TYW1: variants seen among roughly 807,000 people sequenced by gnomAD.
TYW1 encodes the protein tRNA-yW synthesizing protein 1 homolog, also known as S-adenosyl-L-methionine-dependent tRNA 4-demethylwyosine synthase TYW1.
Under a neutral mutation model 96.2 loss-of-function variants are expected in TYW1, and 46 were observed. That is an observed-to-expected ratio of 0.48 (90% CI 0.38 to 0.61). The LOEUF (loss-of-function observed/expected upper bound fraction) is 0.61, where lower values mean the gene tolerates loss of function less well. Ranked by LOEUF, TYW1 falls within the 20% of genes least tolerant of loss-of-function variation. The pLI is 0.00. For synonymous variants in TYW1, 274 were observed against 323.0 expected (o/e 0.85, Z 1.63); for missense variants, 684 against 909.6 (o/e 0.75, Z 3.19).
At chr7:67,143,625 A>T (rs1449330565) in intron 13 of TYW1, among the ~76,000 whole-genome samples, 1 of 152,114 alleles carries the variant, frequency 6.6e-6, no homozygotes, top group African/African-American at 2.4e-5. Context: ...AGAGTCCAAG[A>T]GCATGGGGTC....
intron 7 of TYW1, among the ~76,000 whole-genome samples, chr7:67,042,261 A>G (rs189787570): frequency 9.9e-5 from 15 of 151,390 alleles, no homozygotes; most frequent in African/African-American, 3.6e-4. Flanking sequence ...ATATAAGTAT[A>G]TGTCTTCAAA....
At chr7:67,008,664 T>TTTTA (rs1305110729) in intron 3 of TYW1, among the ~76,000 whole-genome samples, 4 of 152,124 alleles carry the variant, frequency 2.6e-5, no homozygotes, top group Admixed American at 6.6e-5. Context: ...CTTTCTTTTA[T>TTTTA]TTTATTTATT....
chr7:67,159,232 C>CT (rs1022003151), intron 13 of TYW1, among the ~76,000 whole-genome samples: 34 of 152,246 alleles, frequency 2.2e-4, no homozygotes, highest in African/African-American at 7.7e-4. Flanking sequence ...CTTAACCCAT[C>CT]TACTATTAAA....
Position 67,233,508 on chromosome 7 carries a change from A to T in TYW1, c.1978-4800A>T, listed in dbSNP as rs1473661171. On this transcript the variant is annotated intron_variant, in intron 15 of 15. Coordinates refer to ENST00000359626, the MANE Select transcript of TYW1 (RefSeq NM_018264.4). ...GCTTTTTTAAGTCAGGCTGTATCTT[A>T]TTGCACTTGTGTGTTTTTAAGATCA... Among the ~76,000 whole-genome samples the T allele has an allele frequency of 2.2e-5, 3 of 133,374 alleles. 1 individual carries two copies. In the East Asian group the frequency reaches 6.0e-4, roughly 27 times the overall value. The allele number at this position is 133,374 out of a possible 152,430, so 87.5% of individuals were successfully genotyped here.
At chr7:67,054,964 G>C (rs1562987652) in intron 8 of TYW1, among the ~76,000 whole-genome samples, 2 of 152,180 alleles carry the variant, frequency 1.3e-5, no homozygotes, top group Non-Finnish European at 2.9e-5. Context: ...CCTAGAATTT[G>C]ATTTTTCTCT....
chr7:67,033,346 C>T (rs1794730409), intron 7 of TYW1, among the ~76,000 whole-genome samples: 1 of 152,194 alleles, frequency 6.6e-6, no homozygotes, highest in Non-Finnish European at 1.5e-5. Context: ...CAGGGGAACA[C>T]TCCTGAGTTC....
chr7:67,219,845 G>GTTT (rs57991071), intron 15 of TYW1, among the ~76,000 whole-genome samples: 2 of 132,072 alleles, frequency 1.5e-5, no homozygotes, highest in Non-Finnish European at 1.6e-5. Flanking sequence ...GGTTTTGTGG[G>GTTT]TTTTTTTTTT....
At chr7:67,057,898 C>T (rs528219548) in intron 9 of TYW1, among the ~76,000 whole-genome samples, 1 of 152,140 alleles carries the variant, frequency 6.6e-6, no homozygotes, top group East Asian at 1.9e-4. Context: ...ATACAGTTCA[C>T]TATATCATAT....
chr7:67,110,153 A>T (rs1797357533), intron 12 of TYW1, among the ~76,000 whole-genome samples: 1 of 152,220 alleles, frequency 6.6e-6, no homozygotes, highest in Non-Finnish European at 1.5e-5. Context: ...AAGCCGCCTC[A>T]TGTGGCATTA....
chr7:67,075,587 T>G (rs1331984874), intron 10 of TYW1, among the ~76,000 whole-genome samples: 5 of 152,234 alleles, frequency 3.3e-5, no homozygotes, highest in Admixed American at 3.3e-4. Flanking sequence ...GGATTAATGT[T>G]GAAAATATTA....
In TYW1 at chr7:66,996,856, A is replaced by G. The variant is rs1793180240; in HGVS notation, c.-123A>G. ...GCCTGGCAGTGTCATGGCTGCCCAC[A>G]GGTCTGCAGGCACTCGGTACGCCGC... On this transcript the variant is annotated 5_prime_UTR_variant, in exon 1 of 16. Coordinates refer to ENST00000359626, the MANE Select transcript of TYW1 (RefSeq NM_018264.4). 5.8e-6 allele frequency: 9 copies of G among 1,553,340 alleles called. No individual in the cohort carries two copies. In the South Asian group the frequency reaches 9.3e-5, roughly 16 times the overall value.
At chr7:67,083,267 C>T (rs571368500) in intron 10 of TYW1, among the ~76,000 whole-genome samples, 163 bp from the exon 11 acceptor site, 6 of 152,260 alleles carry the variant, frequency 3.9e-5, no homozygotes, top group African/African-American at 1.4e-4. Context: ...TGTTGGGTGT[C>T]ATGATTTAAA....
rs35267163 is a variant in TYW1, at chr7:66,998,208, AT to A, written c.135+23del. On this transcript the variant is annotated intron_variant, in intron 2 of 15. Coordinates refer to ENST00000359626, the MANE Select transcript of TYW1 (RefSeq NM_018264.4). The stretch of plus-strand genomic sequence containing the variant: ...CATCAAGACGCAGGTAAGTGGAGTT[AT>A]TTTTTTTTTAATGGAGTATTTAGGC... The A allele has an allele frequency of 3.2e-3, 4,272 of 1,355,636 alleles. No homozygotes were observed. The highest frequency in any genetic ancestry group is 0.011 in the East Asian group (373 of 32,936). The allele number at this position is 1,355,636 out of a possible 1,614,324, so 84.0% of individuals were successfully genotyped here.
At chr7:67,225,073 C>G (rs1229034677) in intron 15 of TYW1, among the ~76,000 whole-genome samples, 2 of 151,720 alleles carry the variant, frequency 1.3e-5, no homozygotes, top group Non-Finnish European at 2.9e-5. Flanking sequence ...TGCCTGTAAT[C>G]CTAGCTACTT....
At chr7:67,170,764 G>C (rs1328108388) in intron 13 of TYW1, among the ~76,000 whole-genome samples, 1 of 152,118 alleles carries the variant, frequency 6.6e-6, no homozygotes, top group African/African-American at 2.4e-5. Flanking sequence ...TGTGTTACGT[G>C]ACTTGCTTTC....
intron 10 of TYW1, among the ~76,000 whole-genome samples, chr7:67,082,955 A>G (rs1257593448): frequency 6.6e-6 from 1 of 151,826 alleles, no homozygotes; most frequent in African/African-American, 2.4e-5. Context: ...ATTGTGTTGT[A>G]GCTGCTTGGG....
In TYW1 at chr7:67,099,419, G is replaced by A. The variant is rs1797019358; in HGVS notation, c.1562+701G>A. On this transcript the variant is annotated intron_variant, in intron 12 of 15. Coordinates refer to ENST00000359626, the MANE Select transcript of TYW1 (RefSeq NM_018264.4). The stretch of plus-strand genomic sequence containing the variant: ...TAAGGAACTTCCTGAGAAAGACGTG[G>A]AGTTGGGGTATTTGTGATAACCATT... 2.6e-5 allele frequency among the ~76,000 whole-genome samples: 4 copies of A among 152,158 alleles called. 1 individual carries two copies. The highest frequency in any genetic ancestry group is 9.7e-5 in the African/African-American group (4 of 41,434).
intron 5 of TYW1, among the ~76,000 whole-genome samples, chr7:67,017,267 G>A (rs924950553): frequency 2.0e-5 from 3 of 152,162 alleles, no homozygotes; most frequent in Non-Finnish European, 4.4e-5. Context: ...ACAGACATGA[G>A]ACACTTCGCC....
intron 3 of TYW1, among the ~76,000 whole-genome samples, chr7:67,003,318 AG>A (rs1387973659): frequency 6.6e-6 from 1 of 152,048 alleles, no homozygotes; most frequent in Non-Finnish European, 1.5e-5. Context: ...ACCCATGTCC[AG>A]TCTGTCAGCA....
Sources: allele counts gnomAD v4.1 joint callset (sites outside exome capture counted in the v4.1 genomes callset), GRCh38; gene constraint gnomAD v4.1.1; transcripts MANE v1.5; gene names NCBI Gene and HGNC (gene_info 2026-07-23, HGNC 2026-07-21).